The following MGMT variants were observed in gnomAD, a reference collection of about 807,000 sequenced individuals.
MGMT encodes methylated-DNA--protein-cysteine methyltransferase.
In MGMT, 14 loss-of-function variants were observed where a neutral mutation model predicts 15.9. The observed-to-expected ratio is 0.88, with a 90% CI of 0.58 to 1.37. MGMT has a LOEUF of 1.37. MGMT is among the 40% of genes most tolerant of loss of function. The pLI is 0.00. For missense variants in MGMT, 282 were observed against 268.1 expected (o/e 1.05, Z -0.36); for synonymous variants, 130 against 118.2 (o/e 1.10, Z -0.65).
intron 3 of MGMT, among the ~76,000 whole-genome samples, chr10:129,750,415 T>A (rs1848739167): frequency 6.6e-6 from 1 of 152,156 alleles, no homozygotes; most frequent in South Asian, 2.1e-4. Flanking sequence ...AAGATCTTTG[T>A]CAAAGTCTAA....
chr10:129,707,419 G>T (rs947464499), intron 2 of MGMT, among the ~76,000 whole-genome samples: 2 of 151,958 alleles, frequency 1.3e-5, no homozygotes, highest in Admixed American at 6.6e-5. Context: ...GGAATCAGGG[G>T]ACTGCAGGTA....
At chr10:129,572,869 CTAT>C (rs1234727975) in intron 2 of MGMT, among the ~76,000 whole-genome samples, 4 of 152,214 alleles carry the variant, frequency 2.6e-5, no homozygotes, top group Middle Eastern at 3.4e-3. Context: ...TCTTAAGTCC[CTAT>C]TATTAATATA....
At chr10:129,554,316 T>G (rs1056778787) in intron 2 of MGMT, among the ~76,000 whole-genome samples, 1 of 152,206 alleles carries the variant, frequency 6.6e-6, no homozygotes, top group Non-Finnish European at 1.5e-5. Context: ...AGTCTTTTGG[T>G]GTAATTCCTT....
At chr10:129,675,212 C>G (rs1448702598) in intron 2 of MGMT, among the ~76,000 whole-genome samples, 1 of 152,110 alleles carries the variant, frequency 6.6e-6, no homozygotes, top group African/African-American at 2.4e-5. Flanking sequence ...GAGAGGGTGT[C>G]AGGAGGCCAT....
At chr10:129,725,603 G>C (rs1848424761) in intron 3 of MGMT, among the ~76,000 whole-genome samples, 1 of 152,236 alleles carries the variant, frequency 6.6e-6, no homozygotes, top group African/African-American at 2.4e-5. Context: ...CCCCAGCACG[G>C]CCACAGCTTT....
rs528576891 is a variant in MGMT at position 129,753,117 on chromosome 10, G to GT, written c.275-6078dup. On this transcript the variant is annotated intron_variant, in intron 3 of 4. Coordinates refer to ENST00000651593, the MANE Select transcript of MGMT (RefSeq NM_002412.5). The stretch of plus-strand genomic sequence containing the variant: ...CGGATATAGAATCCTGAGTTGTCAG[G>GT]TTTTTTTCTTTCTTTCAGCACTTCA... Among the ~76,000 whole-genome samples, 4 of 152,204 alleles carry GT rather than the reference G, an allele frequency of 2.6e-5. No homozygotes were observed. The East Asian group carries it at 7.7e-4, about 29-fold the overall frequency.
At chr10:129,534,192 C>G (rs1417725267) in intron 1 of MGMT, among the ~76,000 whole-genome samples, 2 of 152,126 alleles carry the variant, frequency 1.3e-5, no homozygotes, top group Non-Finnish European at 1.5e-5. Flanking sequence ...CACCCCCTGC[C>G]TTTATCTGGC....
chr10:129,619,677 C>T (rs1002733824), intron 2 of MGMT, among the ~76,000 whole-genome samples: 1 of 152,174 alleles, frequency 6.6e-6, no homozygotes, highest in African/African-American at 2.4e-5. Context: ...TGAATTTCTT[C>T]ATGACTCAGT....
chr10:129,737,782 C>T (rs955260924), intron 3 of MGMT, among the ~76,000 whole-genome samples: 1 of 152,190 alleles, frequency 6.6e-6, no homozygotes, highest in Non-Finnish European at 1.5e-5. Flanking sequence ...ATACAGGACC[C>T]TCAGCTGCAG....
At chr10:129,492,534 A>G (rs1845479496) in intron 1 of MGMT, among the ~76,000 whole-genome samples, 1 of 152,186 alleles carries the variant, frequency 6.6e-6, no homozygotes, top group Non-Finnish European at 1.5e-5. Flanking sequence ...GCCCCATAGG[A>G]TAGCAAATTG....
chr10:129,560,939 A>C (rs1846269015), intron 2 of MGMT, among the ~76,000 whole-genome samples: 1 of 148,370 alleles, frequency 6.7e-6, no homozygotes. Flanking sequence ...TCTCCAGCTG[A>C]ATTCAGTAAA....
intron 2 of MGMT, among the ~76,000 whole-genome samples, chr10:129,548,629 T>C (rs543168906): frequency 5.3e-5 from 8 of 152,376 alleles, no homozygotes; most frequent in African/African-American, 1.4e-4. Flanking sequence ...GAAGCGGTGC[T>C]GAAAGCCCCC....
intron 2 of MGMT, among the ~76,000 whole-genome samples, chr10:129,670,145 A>C (rs1847705798): frequency 6.6e-6 from 1 of 152,114 alleles, no homozygotes; most frequent in Non-Finnish European, 1.5e-5. Context: ...CATTGATTAC[A>C]CTCTTTAAAT....
intron 2 of MGMT, among the ~76,000 whole-genome samples, chr10:129,645,516 G>A (rs551679001): frequency 3.3e-5 from 5 of 152,168 alleles, no homozygotes; most frequent in Non-Finnish European, 7.3e-5. Flanking sequence ...TGGCTGGAAG[G>A]GGGAAGGGTT....
At chr10:129,702,154 C>T (rs1281966015) in intron 2 of MGMT, 1 of 152,176 alleles carries the variant, frequency 6.6e-6, no homozygotes, top group Non-Finnish European at 1.5e-5. Flanking sequence ...TCCAGTCTGC[C>T]GCAGCCCCGG....
In MGMT at chr10:129,512,582, A is replaced by C. The variant is rs75871768; in HGVS notation, c.-12-23659A>C. 3.3e-3 allele frequency among the ~76,000 whole-genome samples: 504 copies of C among 152,262 alleles called. 1 individual carries two copies. The highest frequency in any genetic ancestry group is 0.012 in the African/African-American group (479 of 41,548). On this transcript the variant is annotated intron_variant, in intron 1 of 4. Transcript: ENST00000651593. ...AGGGCTCTTGTAAGGATTAGAGAAG[A>C]GGAAAGTGAGTGCCTGGCATGAAGG...
In MGMT at chr10:129,499,422, A is replaced by T. The variant is rs542362185; in HGVS notation, c.-13+32126A>T. Among the ~76,000 whole-genome samples the T allele has an allele frequency of 2.7e-3, 419 of 152,366 alleles. 3 individuals carry two copies. The highest frequency in any genetic ancestry group is 0.01 in the Middle Eastern group (3 of 294). On this transcript the variant is annotated intron_variant, in intron 1 of 4. Coordinates refer to ENST00000651593, the MANE Select transcript of MGMT (RefSeq NM_002412.5). ...TAATTAGCTTATTTCTCAAATATCCATGTTGGATGTGGAAAACAAATAAAA... is the reference window on the plus strand; with the variant it reads ...TAATTAGCTTATTTCTCAAATATCCTTGTTGGATGTGGAAAACAAATAAAA...
At chr10:129,555,220 G>A (rs1285481148) in intron 2 of MGMT, among the ~76,000 whole-genome samples, 1 of 152,186 alleles carries the variant, frequency 6.6e-6, no homozygotes, top group African/African-American at 2.4e-5. Flanking sequence ...TCTTTGAGCC[G>A]GGAGCCCTCG....
intron 1 of MGMT, among the ~76,000 whole-genome samples, chr10:129,473,063 C>T (rs1256898904): frequency 2.0e-5 from 3 of 152,214 alleles, no homozygotes; most frequent in East Asian, 1.9e-4. Flanking sequence ...GCTGATAGCC[C>T]GAGACACTGG....
Sources: allele counts gnomAD v4.1 joint callset (sites outside exome capture counted in the v4.1 genomes callset), GRCh38; gene constraint gnomAD v4.1.1; transcripts MANE v1.5; gene names NCBI Gene and HGNC (gene_info 2026-07-23, HGNC 2026-07-21).